RASAL2: variants seen among roughly 807,000 people sequenced by gnomAD.
RASAL2 encodes ras GTPase-activating protein nGAP.
RASAL2 carries 58 observed loss-of-function variants against 128.9 expected under a neutral mutation model. The observed-to-expected ratio is 0.45, with a 90% CI of 0.36 to 0.56. The LOEUF (loss-of-function observed/expected upper bound fraction) is 0.56, where lower values mean the gene tolerates loss of function less well. Among genes scored for constraint, RASAL2 ranks in the 20% least tolerant of loss-of-function variants. RASAL2 has a pLI of 0.00. For synonymous variants in RASAL2, 561 were observed against 580.8 expected (o/e 0.97, Z 0.49); for missense variants, 1,360 against 1,601.6 (o/e 0.85, Z 2.57).
At chr1:178,231,437 A>G (rs1230106077) in intron 1 of RASAL2, among the ~76,000 whole-genome samples, 1 of 152,142 alleles carries the variant, frequency 6.6e-6, no homozygotes, top group African/African-American at 2.4e-5. Flanking sequence ...TCTGGTATAA[A>G]TTATTTGAAA....
intron 1 of RASAL2, among the ~76,000 whole-genome samples, chr1:178,145,195 T>G (rs1027524907): frequency 6.6e-6 from 1 of 151,862 alleles, no homozygotes; most frequent in East Asian, 1.9e-4. Context: ...ATATATCACA[T>G]GACAAGTCCA....
At chr1:178,166,643 G>A (rs1032137834) in intron 1 of RASAL2, among the ~76,000 whole-genome samples, 6 of 152,046 alleles carry the variant, frequency 3.9e-5, no homozygotes, top group African/African-American at 1.4e-4. Context: ...GTTTTTCTAA[G>A]CTGTGTGAAT....
At chr1:178,169,341 G>A (rs1457420223) in intron 1 of RASAL2, among the ~76,000 whole-genome samples, 2 of 152,092 alleles carry the variant, frequency 1.3e-5, no homozygotes, top group Non-Finnish European at 2.9e-5. Context: ...TTAGAAGATT[G>A]TATTTCAAGG....
intron 4 of RASAL2, among the ~76,000 whole-genome samples, chr1:178,396,401 G>A (rs1673229537): frequency 6.6e-6 from 1 of 152,084 alleles, no homozygotes; most frequent in African/African-American, 2.4e-5. Flanking sequence ...ATTTCACAAT[G>A]AGAGATAAAC....
rs555226697 is a variant in RASAL2 at position 178,358,522 on chromosome 1, A to G, written c.458-31578A>G. ...AAAGTGGGCAAGAGATATAAAGAAG[A>G]CTTTCACAAAAGCATAACATATATA... On this transcript the variant is annotated intron_variant, in intron 3 of 17. Coordinates refer to ENST00000367649, the MANE Select transcript of RASAL2 (RefSeq NM_170692.4). Among the ~76,000 whole-genome samples, 2 of 152,296 alleles carry G rather than the reference A, an allele frequency of 1.3e-5. 1 individual carries two copies. The highest frequency in any genetic ancestry group is 4.1e-4 in the South Asian group (2 of 4,820).
chr1:178,226,734 G>T (rs758456865), intron 1 of RASAL2, among the ~76,000 whole-genome samples: 2 of 152,124 alleles, frequency 1.3e-5, no homozygotes, highest in Admixed American at 6.5e-5. Flanking sequence ...ATCACCTGAG[G>T]CCAGGAGTTC....
At chr1:178,176,949 A>G (rs1039905538) in intron 1 of RASAL2, among the ~76,000 whole-genome samples, 18 of 152,104 alleles carry the variant, frequency 1.2e-4, no homozygotes, top group Non-Finnish European at 2.5e-4. Flanking sequence ...ATGCCTGGCT[A>G]TCAGGTGCAA....
intron 3 of RASAL2, among the ~76,000 whole-genome samples, chr1:178,308,894 G>A (rs1668115919): frequency 6.6e-6 from 1 of 152,016 alleles, no homozygotes; most frequent in African/African-American, 2.4e-5. Flanking sequence ...GATAATTTAT[G>A]CAATAATTTC....
intron 5 of RASAL2, among the ~76,000 whole-genome samples, chr1:178,425,798 T>G (rs950726116): frequency 2.0e-5 from 3 of 152,196 alleles, no homozygotes; most frequent in African/African-American, 7.2e-5. Context: ...CCATACCTAG[T>G]TGACTTTGAC....
intron 2 of RASAL2, among the ~76,000 whole-genome samples, chr1:178,287,962 T>TC (rs1267676420): frequency 1.3e-5 from 2 of 151,838 alleles, no homozygotes; most frequent in Non-Finnish European, 2.9e-5. Flanking sequence ...CACCACCCAT[T>TC]CCCCCAAAAA....
intron 3 of RASAL2, among the ~76,000 whole-genome samples, chr1:178,384,006 C>T (rs1273737356): frequency 6.6e-6 from 1 of 152,054 alleles, no homozygotes; most frequent in Non-Finnish European, 1.5e-5. Context: ...TTTAAAAAGG[C>T]TTTTGAAGTA....
At chr1:178,205,379 A>G (rs1247320931) in intron 1 of RASAL2, among the ~76,000 whole-genome samples, 1 of 152,170 alleles carries the variant, frequency 6.6e-6, no homozygotes. Flanking sequence ...AAATTTTTAT[A>G]AAGTGACTTT....
chr1:178,122,834 T>C (rs1213537365), intron 1 of RASAL2, among the ~76,000 whole-genome samples: 1 of 32,264 alleles, frequency 3.1e-5, no homozygotes, highest in Non-Finnish European at 5.5e-5. Flanking sequence ...AATACTTACT[T>C]TCCATTTTTT....
intron 2 of RASAL2, among the ~76,000 whole-genome samples, chr1:178,298,376 A>G (rs985912886): frequency 1.3e-5 from 2 of 152,216 alleles, no homozygotes; most frequent in Admixed American, 6.5e-5. Flanking sequence ...ATGTGCAAAG[A>G]GTAACCATAG....
At chr1:178,242,340 T>C (rs1664536420) in intron 1 of RASAL2, among the ~76,000 whole-genome samples, 1 of 152,212 alleles carries the variant, frequency 6.6e-6, no homozygotes, top group Non-Finnish European at 1.5e-5. Flanking sequence ...TTAGCATATC[T>C]TTTAACATAT....
chr1:178,429,901 C>T (rs2102789431), intron 5 of RASAL2, among the ~76,000 whole-genome samples: 1 of 152,200 alleles, frequency 6.6e-6, no homozygotes, highest in East Asian at 1.9e-4. Flanking sequence ...CATGCTCCCT[C>T]CCTTCTTTTT....
intron 1 of RASAL2, among the ~76,000 whole-genome samples, chr1:178,198,607 C>G (rs984406685): frequency 1.3e-5 from 2 of 152,206 alleles, no homozygotes; most frequent in Admixed American, 6.5e-5. Flanking sequence ...ACCGTGTTTG[C>G]CTGGGTATCA....
In RASAL2 at chr1:178,451,728, T is replaced by C. The variant is rs1037204295; in HGVS notation, c.1772+13T>C. 10 of 1,608,930 alleles carry C rather than the reference T, an allele frequency of 6.2e-6. No individual in the cohort carries two copies. The highest frequency in any genetic ancestry group is 8.5e-6 in the Non-Finnish European group (10 of 1,178,110). On this transcript the variant is annotated intron_variant, in intron 10 of 17. Coordinates refer to ENST00000367649, the MANE Select transcript of RASAL2 (RefSeq NM_170692.4). ...TCAACTCTTACTGGTGAGCTTATCT[T>C]ATCCTCTGCCTTACATTTTTTCATG...
At chr1:178,148,246 A>C (rs1660796931) in intron 1 of RASAL2, among the ~76,000 whole-genome samples, 1 of 151,656 alleles carries the variant, frequency 6.6e-6, no homozygotes, top group Non-Finnish European at 1.5e-5. Flanking sequence ...GAAGAGATAG[A>C]AAAGGGTAAG....
Sources: gnomAD v4.1 joint callset for allele counts (sites outside exome capture counted in the v4.1 genomes callset) on GRCh38, gnomAD v4.1.1 for gene constraint, MANE v1.5 for transcripts, NCBI Gene and HGNC (gene_info 2026-07-23, HGNC 2026-07-21) for gene names.